The following SYNE1 variants were observed in gnomAD, a reference collection of about 807,000 sequenced individuals.
SYNE1 encodes spectrin repeat containing nuclear envelope protein 1.
A neutral mutation model predicts 1,111.0 loss-of-function variants in SYNE1; 616 were observed. That is an observed-to-expected ratio of 0.55 (90% CI 0.52 to 0.59). The LOEUF (loss-of-function observed/expected upper bound fraction) is 0.59. Ranked by LOEUF, SYNE1 falls within the 20% of genes least tolerant of loss-of-function variation. The pLI is 0.00. For synonymous variants in SYNE1, 3,855 were observed against 3,825.8 expected (o/e 1.01, Z -0.28); for missense variants, 10,006 against 10,417.0 (o/e 0.96, Z 1.72).
rs775374431 is a variant in SYNE1, at chr6:152,502,688, A to T, written c.833T>A (p.Phe278Tyr). 6.2e-7 allele frequency: 1 copy of T among 1,613,860 alleles called. No individual in the cohort carries two copies. Among genetic ancestry groups the T allele is most frequent in the East Asian group, 2.2e-5 (1 of 44,844 alleles). The change falls in exon 10 of 146, where the codon TTT (phenylalanine) becomes TAT (tyrosine). Residue 278 changes from phenylalanine to tyrosine, a missense_variant. By Grantham distance (22) the Phe-to-Tyr change is conservative. Transcript: ENST00000367255. Reference protein sequence around the residue: ...EKSIMTYVAQFLKHYPDIHNA... With the variant: ...EKSIMTYVAQYLKHYPDIHNA... ...GTGGATGTCAGGATAATGTTTCAGA[A>T]ACTGGGCTACATAGGTCATAATAGA...
intron 2 of SYNE1, among the ~76,000 whole-genome samples, chr6:152,629,237 A>G (rs767669741): frequency 1.3e-5 from 2 of 151,916 alleles, no homozygotes; most frequent in African/African-American, 4.8e-5. Context: ...GTTTTGGGAC[A>G]GTCTCACTCT....
chr6:152,336,709 C>T (rs763443298), intron 76 of SYNE1, 132 bp downstream of exon 76: 1 of 1,228,764 alleles, frequency 8.1e-7, no homozygotes, highest in Non-Finnish European at 1.2e-6. Flanking sequence ...GGGACCTCTG[C>T]CTTAAAGAGT....
chr6:152,256,795 G>A, intron 101 of SYNE1, 30 bp from the exon 102 acceptor site: 1 of 1,611,634 alleles, frequency 6.2e-7, no homozygotes, highest in East Asian at 2.2e-5. Flanking sequence ...GCTTGTTGAA[G>A]AGCATATGCA....
chr6:152,629,349 C>T (rs773441800), intron 2 of SYNE1, among the ~76,000 whole-genome samples: 7 of 151,874 alleles, frequency 4.6e-5, no homozygotes, highest in Non-Finnish European at 8.8e-5. Context: ...GGATTACAGG[C>T]GTATACCACC....
In SYNE1 at chr6:152,347,887, T is replaced by C. The variant is rs189170401; in HGVS notation, c.11902-652A>G. Among the ~76,000 whole-genome samples, 92 of 151,316 alleles carry C rather than the reference T, an allele frequency of 6.1e-4. 1 individual carries two copies. The highest frequency in any genetic ancestry group is 2.1e-3 in the African/African-American group (85 of 41,250). On this transcript the variant is annotated intron_variant, in intron 72 of 145. Transcript: ENST00000367255. The stretch of plus-strand genomic sequence containing the variant: ...TGTATTTTTAGTAGAGATGGAGTTT[T>C]ACCATGTTGGCCAGCTGGTCTTGAA...
rs565356880 is a variant in SYNE1, at chr6:152,573,715, A to C, written c.68-33694T>G. Among the ~76,000 whole-genome samples the C allele has an allele frequency of 5.4e-4, 83 of 152,316 alleles. 2 individuals carry two copies. The South Asian group carries it at 0.017, about 30-fold the overall frequency. On this transcript the variant is annotated intron_variant, in intron 3 of 145. Coordinates refer to ENST00000367255, the MANE Select transcript of SYNE1 (RefSeq NM_182961.4). Reference sequence around the variant, plus strand: ...CATTTTCTGAAGATTTCCCTATAAAAGTCTGTTACCTTGACACTCTAATTC... The same window carrying C: ...CATTTTCTGAAGATTTCCCTATAAACGTCTGTTACCTTGACACTCTAATTC...
rs180883846 is a variant in SYNE1, at chr6:152,618,839, A to G, written c.67+9426T>C. Reference sequence around the variant, plus strand: ...CCATGTATTTATTTGAGAAGAAACAAATAGAAAATTATCATTGTCTATCCT... The same window carrying G: ...CCATGTATTTATTTGAGAAGAAACAGATAGAAAATTATCATTGTCTATCCT... On this transcript the variant is annotated intron_variant, in intron 3 of 145. Transcript: ENST00000367255. Among the ~76,000 whole-genome samples the G allele has an allele frequency of 1.2e-3, 187 of 152,326 alleles. 1 individual carries two copies. The Middle Eastern group carries it at 0.017, about 14-fold the overall frequency.
chr6:152,483,324 G>T (rs1463160793), intron 13 of SYNE1, 75 bp from the exon 14 acceptor site: 2 of 1,233,934 alleles, frequency 1.6e-6, no homozygotes, highest in Non-Finnish European at 2.4e-6. Context: ...CCAAATAATA[G>T]TAAAGCATAC....
rs112819335 is a variant in SYNE1, at chr6:152,450,901, A to G, written c.3187-68T>C. On this transcript the variant is annotated intron_variant, in intron 26 of 145. Transcript: ENST00000367255. ...CACAGTACTTCTACATTTTCACAGA[A>G]AAACCAAAGGAAGATTCCCACGCAG... The G allele has an allele frequency of 8.7e-6, 14 of 1,602,840 alleles. No homozygotes were observed. In the African/African-American group the frequency reaches 1.1e-4, roughly 12 times the overall value.
In SYNE1 at chr6:152,218,170, C is replaced by T. The variant is rs147573347; in HGVS notation, c.22191+87G>A. The T allele has an allele frequency of 2.9e-4, 429 of 1,504,964 alleles. No individual in the cohort carries two copies. In the African/African-American group the frequency reaches 5.2e-3, roughly 18 times the overall value. 93.2% of individuals were successfully genotyped at this position (1,504,964 alleles called of 1,614,324 possible). A position where few individuals can be genotyped will look rare whatever the true frequency, so the allele number is the denominator to read the frequency against. On this transcript the variant is annotated intron_variant, in intron 121 of 145. Coordinates refer to ENST00000367255, the MANE Select transcript of SYNE1 (RefSeq NM_182961.4). ...TCACACCACGGCACTCCAGCTTGGG[C>T]GACAGAGTGAGACTCCATCTCAAAA...
chr6:152,200,593 G>A (rs186255978), intron 127 of SYNE1, among the ~76,000 whole-genome samples: 4 of 152,050 alleles, frequency 2.6e-5, no homozygotes, highest in Non-Finnish European at 5.9e-5. Flanking sequence ...ATGGAGTCTT[G>A]CCATATTGCC....
At chr6:152,482,384 T>C (rs9371253) in intron 14 of SYNE1, among the ~76,000 whole-genome samples, 24,944 of 152,144 alleles carry the variant, frequency 0.16, 2,318 homozygotes, top group East Asian at 0.44. Flanking sequence ...ATTGCCCATG[T>C]GTAGTCAGGA....
intron 3 of SYNE1, 54 bp downstream of exon 3, chr6:152,628,211 G>C: frequency 6.4e-7 from 1 of 1,574,068 alleles, no homozygotes; most frequent in African/African-American, 1.3e-5. Context: ...TTAACTGATT[G>C]TGGGTTAAGA....
At chr6:152,452,751 A>T (rs148894647) in intron 25 of SYNE1, among the ~76,000 whole-genome samples, 1 of 152,334 alleles carries the variant, frequency 6.6e-6, no homozygotes, top group African/African-American at 2.4e-5. Flanking sequence ...AGAATCTGAC[A>T]TGCAGTCTGA....
At chr6:152,545,046 A>G (rs1470614819) in intron 3 of SYNE1, among the ~76,000 whole-genome samples, 1 of 152,236 alleles carries the variant, frequency 6.6e-6, no homozygotes, top group Non-Finnish European at 1.5e-5. Flanking sequence ...ATACATGACA[A>G]TATCCACTTA....
intron 129 of SYNE1, among the ~76,000 whole-genome samples, chr6:152,178,728 C>A (rs887602874): frequency 6.6e-6 from 1 of 152,056 alleles, no homozygotes; most frequent in Non-Finnish European, 1.5e-5. Flanking sequence ...TTAGACAAAG[C>A]CCATGCTCCT....
intron 3 of SYNE1, among the ~76,000 whole-genome samples, chr6:152,613,003 T>C (rs60896288): frequency 0.01 from 1,568 of 152,220 alleles, 24 homozygotes; most frequent in African/African-American, 0.036. Context: ...TATCTCAAAA[T>C]AATAAGAGCT....
At chr6:152,245,669 A>T (rs1239732005) in intron 105 of SYNE1, among the ~76,000 whole-genome samples, 1 of 152,192 alleles carries the variant, frequency 6.6e-6, no homozygotes, top group Non-Finnish European at 1.5e-5. Flanking sequence ...AAATCTGGGG[A>T]AGCTGAATTC....
chr6:152,293,906 C>T (rs911477187), intron 94 of SYNE1, 54 bp downstream of exon 94: 50 of 1,612,500 alleles, frequency 3.1e-5, no homozygotes, highest in Admixed American at 8.3e-5. Context: ...ATAAGACAAT[C>T]GCTAAGGTTA....
Sources: gnomAD v4.1 joint callset for allele counts (sites outside exome capture counted in the v4.1 genomes callset) on GRCh38, gnomAD v4.1.1 for gene constraint, MANE v1.5 for transcripts, NCBI Gene and HGNC (gene_info 2026-07-23, HGNC 2026-07-21) for gene names.